Variants in NBEA observed in about 807,000 individuals in gnomAD.
NBEA encodes the protein lysosomal-trafficking regulator 2.
Under a neutral mutation model 343.4 loss-of-function variants are expected in NBEA, and 44 were observed. The ratio of observed to expected loss-of-function variants is 0.13; its 90% CI spans 0.10 to 0.16. The LOEUF is 0.16. Among genes scored for constraint, NBEA ranks in the 10% least tolerant of loss-of-function variants. NBEA has a pLI of 1.00. For missense variants in NBEA, 2,555 were observed against 3,631.3 expected (o/e 0.70, Z 7.62); for synonymous variants, 1,175 against 1,238.7 (o/e 0.95, Z 1.08).
intron 40 of NBEA, among the ~76,000 whole-genome samples, chr13:35,467,534 T>C (rs1362935359): frequency 1.3e-5 from 2 of 152,098 alleles, no homozygotes; most frequent in African/African-American, 4.8e-5. Flanking sequence ...ACTCATGCTA[T>C]GAATTATTTC....
intron 34 of NBEA, among the ~76,000 whole-genome samples, chr13:35,280,290 T>C (rs1288839026): frequency 1.3e-5 from 2 of 152,156 alleles, no homozygotes; most frequent in African/African-American, 4.8e-5. Context: ...TGTTTTGTTA[T>C]AGAGAATATC....
rs1224764474 is a variant in NBEA, at chr13:35,628,209, T to C, written c.7578T>C (p.Ser2526=). 6.2e-7 allele frequency: 1 copy of C among 1,612,898 alleles called. No individual in the cohort carries two copies. Among genetic ancestry groups the C allele is most frequent in the African/African-American group, 1.3e-5 (1 of 75,038 alleles). The change falls in exon 49 of 59, where the codon TCT becomes TCC. Residue 2526 remains serine (S), a synonymous_variant. Coordinates refer to ENST00000379939, the MANE Select transcript of NBEA (RefSeq NM_001385012.1). ...NVFHYLTYEG[S]VNLDSITDPV... ...TTCACTACTTGACTTATGAAGGCTC[T>C]GTGAACCTGGATAGTATCACTGATC... is the stretch of plus-strand genomic sequence containing the variant.
intron 22 of NBEA, among the ~76,000 whole-genome samples, chr13:35,160,702 G>A (rs1276572477): frequency 6.6e-6 from 1 of 152,112 alleles, no homozygotes; most frequent in East Asian, 1.9e-4. Context: ...AGGTCTGGTT[G>A]TTAGGAAATG....
chr13:35,520,984 A>G (rs1202434542), intron 41 of NBEA, among the ~76,000 whole-genome samples: 1 of 152,100 alleles, frequency 6.6e-6, no homozygotes. Context: ...ATAGAGAAGA[A>G]AATTCCACTC....
intron 17 of NBEA, among the ~76,000 whole-genome samples, chr13:35,138,666 G>A (rs1242116063): frequency 1.3e-5 from 2 of 151,908 alleles, no homozygotes; most frequent in African/African-American, 4.8e-5. Flanking sequence ...CACCATGTTG[G>A]CCAGGCTGGT....
In NBEA at chr13:35,130,909, C is replaced by T. The variant is rs142657400; in HGVS notation, c.2336+7335C>T. ...CTATAACAAGAAGTTATTCATTATA[C>T]AAATTATAAAATGCAGTAAAAATAT... is the stretch of plus-strand genomic sequence containing the variant. On this transcript the variant is annotated intron_variant, in intron 17 of 58. Coordinates refer to ENST00000379939, the MANE Select transcript of NBEA (RefSeq NM_001385012.1). Among the ~76,000 whole-genome samples the T allele has an allele frequency of 2.3e-3, 348 of 151,964 alleles. 2 individuals are homozygous for T. The highest frequency in any genetic ancestry group is 7.8e-3 in the African/African-American group (324 of 41,494).
Position 35,510,515 on chromosome 13 carries a change from G to GCT in NBEA, c.6585+37980_6585+37981dup, listed in dbSNP as rs547429687. ...GGGCCTGCCATGCACCAGCCACCTC[G>GCT]CTGGGATGTGTGAGGATGATGTTTA... is the stretch of plus-strand genomic sequence containing the variant. On this transcript the variant is annotated intron_variant, in intron 41 of 58. Transcript: ENST00000379939. Among the ~76,000 whole-genome samples the GCT allele has an allele frequency of 1.2e-3, 180 of 152,264 alleles. 1 individual carries two copies. The Middle Eastern group carries it at 0.017, about 14-fold the overall frequency.
chr13:35,098,547 T>A (rs1593337047), intron 11 of NBEA, 142 bp downstream of exon 11: 1 of 494,070 alleles, frequency 2.0e-6, no homozygotes, highest in Non-Finnish European at 3.6e-6. Context: ...GTCTTAGATT[T>A]AAGTGTAGAC....
intron 46 of NBEA, among the ~76,000 whole-genome samples, chr13:35,592,147 A>G (rs2081567787): frequency 6.6e-6 from 1 of 152,166 alleles, no homozygotes; most frequent in Admixed American, 6.6e-5. Context: ...TAAATGCATT[A>G]GGACATTGCA....
At chr13:35,586,295 G>C (rs563102716) in intron 46 of NBEA, among the ~76,000 whole-genome samples, 13 of 152,270 alleles carry the variant, frequency 8.5e-5, no homozygotes, top group African/African-American at 2.6e-4. Flanking sequence ...TACATTTTAA[G>C]TAACTTGGAA....
chr13:35,642,109 G>A (rs1236559021), intron 49 of NBEA, among the ~76,000 whole-genome samples: 1 of 152,068 alleles, frequency 6.6e-6, no homozygotes, highest in African/African-American at 2.4e-5. Flanking sequence ...AACATCAAAC[G>A]TTTTGTTAGC....
At chr13:35,044,856 C>A (rs1566203034) in intron 2 of NBEA, 91 bp from the exon 3 acceptor site, 1 of 752,446 alleles carries the variant, frequency 1.3e-6, no homozygotes. Context: ...AGAGAGATAA[C>A]AATGATAACT....
intron 34 of NBEA, among the ~76,000 whole-genome samples, chr13:35,257,673 A>C (rs1251147559): frequency 6.6e-6 from 1 of 152,102 alleles, no homozygotes; most frequent in East Asian, 1.9e-4. Flanking sequence ...GTTGTATATA[A>C]GTGGTAAACT....
At chr13:35,193,835 A>C (rs892563091) in intron 30 of NBEA, among the ~76,000 whole-genome samples, 1 of 151,972 alleles carries the variant, frequency 6.6e-6, no homozygotes, top group African/African-American at 2.4e-5. Context: ...CAAATAAACA[A>C]ACAAAATTTA....
chr13:35,602,565 C>T (rs2082102056), intron 47 of NBEA, among the ~76,000 whole-genome samples: 1 of 152,192 alleles, frequency 6.6e-6, no homozygotes, highest in African/African-American at 2.4e-5. Flanking sequence ...TAAAACATGT[C>T]TGTTTAGTGA....
chr13:35,539,366 G>A (rs141533466), intron 41 of NBEA, among the ~76,000 whole-genome samples: 250 of 152,282 alleles, frequency 1.6e-3, no homozygotes, highest in Admixed American at 3.3e-3. Flanking sequence ...GCACAAAAGT[G>A]TGACAGAACA....
In NBEA at chr13:35,105,108, G is replaced by A. The variant is rs182645482; in HGVS notation, c.1681-4182G>A. 2.8e-3 allele frequency among the ~76,000 whole-genome samples: 420 copies of A among 152,140 alleles called. 2 individuals carry two copies. Among genetic ancestry groups the A allele is most frequent in the African/African-American group, 8.6e-3 (358 of 41,546 alleles). ...AGCATAACCCAAAGAGAAAGTTATT[G>A]TAGCTATTAGGAGAAGGGTACCTGA... is the stretch of plus-strand genomic sequence containing the variant. On this transcript the variant is annotated intron_variant, in intron 11 of 58. Transcript: ENST00000379939.
At chr13:35,497,563 T>C (rs1003466389) in intron 41 of NBEA, among the ~76,000 whole-genome samples, 6 of 152,054 alleles carry the variant, frequency 3.9e-5, no homozygotes, top group African/African-American at 1.4e-4. Flanking sequence ...CTACAAGAGA[T>C]TAATTTGCAT....
intron 1 of NBEA, among the ~76,000 whole-genome samples, chr13:34,993,207 G>A (rs73485774): frequency 0.015 from 2,347 of 151,974 alleles, 65 homozygotes; most frequent in African/African-American, 0.054. Flanking sequence ...TCTTCCTCTG[G>A]ATACTTTCTT....
Sources: gnomAD v4.1 joint callset for allele counts (sites outside exome capture counted in the v4.1 genomes callset) on GRCh38, gnomAD v4.1.1 for gene constraint, MANE v1.5 for transcripts, NCBI Gene and HGNC (gene_info 2026-07-23, HGNC 2026-07-21) for gene names.